Variants in CREB3L2 observed in about 807,000 individuals in gnomAD.
CREB3L2 encodes the protein cyclic AMP-responsive element-binding protein 3-like protein 2.
Under a neutral mutation model 57.2 loss-of-function variants are expected in CREB3L2, and 23 were observed. The observed-to-expected ratio is 0.40, with a 90% CI of 0.29 to 0.57. The LOEUF (loss-of-function observed/expected upper bound fraction) is 0.57, where lower values mean the gene tolerates loss of function less well. Ranked by LOEUF, CREB3L2 falls within the 20% of genes least tolerant of loss-of-function variation. The probability of loss-of-function intolerance (pLI) is 0.42; values close to 1 mark genes in which losing one functional copy is unlikely to be tolerated. For missense variants in CREB3L2, 628 were observed against 634.7 expected (o/e 0.99, Z 0.11); for synonymous variants, 268 against 265.1 (o/e 1.01, Z -0.11).
chr7:137,922,453 T>TACAC (rs199805163), intron 2 of CREB3L2: 4,651 of 72,168 alleles, frequency 0.064, 626 homozygotes, highest in African/African-American at 0.27. Context: ...TATATATATA[T>TACAC]ACACACATAT....
chr7:137,876,892 T>A lies in CREB3L2; in HGVS notation c.*3584A>T, dbSNP rs566692552. 1 of 232,340 alleles carries A rather than the reference T, an allele frequency of 4.3e-6. No homozygotes were observed. The highest frequency in any genetic ancestry group is 1.8e-4 in the South Asian group (1 of 5,518). The allele number at this position is 232,340 out of a possible 1,614,324, so 14.4% of individuals were successfully genotyped here. A position where few individuals can be genotyped will look rare whatever the true frequency, so the allele number is the denominator to read the frequency against. ...AAGGTTGGCATGAATGGGCCATTATTCAACTGGGGGTGGGATGTCTCCATT... is the reference window on the plus strand; with the variant it reads ...AAGGTTGGCATGAATGGGCCATTATACAACTGGGGGTGGGATGTCTCCATT... On this transcript the variant is annotated 3_prime_UTR_variant, in exon 12 of 12. Transcript: ENST00000330387.
rs200625961 is a variant in CREB3L2 at position 137,915,822 on chromosome 7, G to T, written c.495+15C>A. 98 of 1,610,254 alleles carry T rather than the reference G, an allele frequency of 6.1e-5. No homozygotes were observed. In the Middle Eastern group the frequency reaches 9.9e-4, roughly 16 times the overall value. On this transcript the variant is annotated intron_variant, in intron 3 of 11. Coordinates refer to ENST00000330387, the MANE Select transcript of CREB3L2 (RefSeq NM_194071.4). ...TTTAATCCAACCTGTTTAAACAGAC[G>T]AAAATTGAGCATACCCCAGTGTTCA...
At chr7:137,931,064 T>C (rs963218184) in intron 1 of CREB3L2, among the ~76,000 whole-genome samples, 2 of 151,918 alleles carry the variant, frequency 1.3e-5, no homozygotes, top group Non-Finnish European at 1.5e-5. Flanking sequence ...AGACACAGTC[T>C]CTACAAAAAA....
At chr7:137,912,736 T>A (rs1800041111) in intron 4 of CREB3L2, 1 of 1,051,328 alleles carries the variant, frequency 9.5e-7, no homozygotes, top group Non-Finnish European at 1.4e-6. Context: ...TTGAAAAATA[T>A]CACCCTGGTT....
intron 1 of CREB3L2, among the ~76,000 whole-genome samples, chr7:137,977,105 G>T (rs2117309525): frequency 6.6e-6 from 1 of 152,254 alleles, no homozygotes; most frequent in African/African-American, 2.4e-5. Flanking sequence ...CTTAAACACG[G>T]CCCCTGCCCC....
At chr7:137,957,855 C>A in intron 1 of CREB3L2, 2 of 1,053,698 alleles carry the variant, frequency 1.9e-6, no homozygotes, top group South Asian at 1.3e-5. Flanking sequence ...ACTTCAGATG[C>A]ATTCCTACTA....
At chr7:137,918,265 G>A (rs968407399) in intron 2 of CREB3L2, among the ~76,000 whole-genome samples, 2 of 152,078 alleles carry the variant, frequency 1.3e-5, no homozygotes, top group Non-Finnish European at 2.9e-5. Flanking sequence ...ATCTCGGCTC[G>A]CTGCAAACTC....
intron 1 of CREB3L2, among the ~76,000 whole-genome samples, chr7:137,973,205 T>C (rs1183902213): frequency 2.0e-5 from 3 of 150,822 alleles, no homozygotes; most frequent in African/African-American, 4.9e-5. Context: ...TAGCATATCA[T>C]GAAAAACTAA....
intron 1 of CREB3L2, among the ~76,000 whole-genome samples, chr7:137,976,994 G>C (rs2117309336): frequency 6.6e-6 from 1 of 152,298 alleles, no homozygotes; most frequent in African/African-American, 2.4e-5. Context: ...CCAAGGAATG[G>C]GTTGGGAGGT....
intron 1 of CREB3L2, among the ~76,000 whole-genome samples, chr7:137,971,201 A>G (rs992409314): frequency 6.6e-6 from 1 of 152,152 alleles, no homozygotes; most frequent in African/African-American, 2.4e-5. Flanking sequence ...CTGTAATCCC[A>G]GCACTTTGGG....
intron 8 of CREB3L2, among the ~76,000 whole-genome samples, chr7:137,889,518 G>A (rs1158970843): frequency 1.3e-5 from 2 of 152,202 alleles, no homozygotes; most frequent in Admixed American, 6.5e-5. Flanking sequence ...TCTTTAAGAT[G>A]AGCAAACATG....
chr7:137,923,281 AT>A (rs1341270239), intron 2 of CREB3L2, among the ~76,000 whole-genome samples: 2 of 152,358 alleles, frequency 1.3e-5, no homozygotes, highest in East Asian at 3.9e-4. Context: ...TTTTCAAAAA[AT>A]AAAAAGGGGA....
intron 1 of CREB3L2, among the ~76,000 whole-genome samples, chr7:137,933,230 G>A (rs1369591400): frequency 6.6e-6 from 1 of 152,150 alleles, no homozygotes; most frequent in Non-Finnish European, 1.5e-5. Context: ...ACACGCAAAT[G>A]CAAGAGGTAA....
intron 1 of CREB3L2, among the ~76,000 whole-genome samples, chr7:137,974,584 G>T (rs1801571347): frequency 6.6e-6 from 1 of 152,212 alleles, no homozygotes; most frequent in Non-Finnish European, 1.5e-5. Flanking sequence ...AGGGAGAACA[G>T]ATATGAGAAA....
At chr7:137,915,709 T>C (rs1800113659) in intron 3 of CREB3L2, 128 bp downstream of exon 3, 1 of 716,046 alleles carries the variant, frequency 1.4e-6, no homozygotes, top group Non-Finnish European at 2.3e-6. Flanking sequence ...TATACACACA[T>C]ATGAAGTTGC....
intron 1 of CREB3L2, 81 bp from the exon 2 acceptor site, chr7:137,928,447 A>C: frequency 3.0e-4 from 319 of 1,068,502 alleles, no homozygotes; most frequent in Non-Finnish European, 4.1e-4. Flanking sequence ...CAAATACCTC[A>C]TCCACTGCTC....
intron 2 of CREB3L2, among the ~76,000 whole-genome samples, chr7:137,927,703 G>T (rs555669994): frequency 6.6e-6 from 1 of 151,894 alleles, no homozygotes; most frequent in Non-Finnish European, 1.5e-5. Context: ...GATCTGGGGT[G>T]GGGGACATGG....
At chr7:137,903,477 G>A (rs1241007899) in intron 7 of CREB3L2, among the ~76,000 whole-genome samples, 35 of 150,574 alleles carry the variant, frequency 2.3e-4, no homozygotes, top group African/African-American at 8.1e-4. Flanking sequence ...TTGCCTTCAA[G>A]TGTTTTTGCA....
At chr7:137,991,743 C>T (rs141056421) in intron 1 of CREB3L2, among the ~76,000 whole-genome samples, 3,330 of 151,856 alleles carry the variant, frequency 0.022, 53 homozygotes, top group Non-Finnish European at 0.032. Flanking sequence ...TCTGTCTCTA[C>T]TAAAAATACA....
Sources: gnomAD v4.1 joint callset for allele counts (sites outside exome capture counted in the v4.1 genomes callset) on GRCh38, gnomAD v4.1.1 for gene constraint, MANE v1.5 for transcripts, NCBI Gene and HGNC (gene_info 2026-07-23, HGNC 2026-07-21) for gene names.